Variants in SDK1 observed in about 807,000 individuals in gnomAD.
SDK1 encodes protein sidekick-1.
In SDK1, 157 loss-of-function variants were observed where a neutral mutation model predicts 245.5. The ratio of observed to expected loss-of-function variants is 0.64; its 90% CI spans 0.56 to 0.73. The LOEUF (loss-of-function observed/expected upper bound fraction) is 0.73. SDK1 is among the 30% of genes least tolerant of loss of function. The pLI, the probability that SDK1 is intolerant of heterozygous loss-of-function variation, is 0.00. For missense variants in SDK1, 3,583 were observed against 3,002.3 expected, an observed-to-expected ratio of 1.19 and a Z score of -4.52; for synonymous variants, 1,647 against 1,278.5, an observed-to-expected ratio of 1.29 and a Z score of -6.15.
At chr7:4,217,515 CCACCCGGAGCACCACA>C (rs1342711053) in intron 38 of SDK1, among the ~76,000 whole-genome samples, 2 of 138,890 alleles carry the variant, frequency 1.4e-5, no homozygotes, top group Admixed American at 7.1e-5. Context: ...GAGCACCACA[CCACCCGGAGCACCACA>C]CCACCCGGAG....
At chr7:3,614,422 A>G (rs1781703053) in intron 1 of SDK1, among the ~76,000 whole-genome samples, 1 of 152,218 alleles carries the variant, frequency 6.6e-6, no homozygotes, top group African/African-American at 2.4e-5. Flanking sequence ...ACACCCTTCA[A>G]AGATTAATAT....
intron 33 of SDK1, among the ~76,000 whole-genome samples, chr7:4,174,722 G>GC (rs1359828790): frequency 6.6e-6 from 1 of 152,102 alleles, no homozygotes; most frequent in Non-Finnish European, 1.5e-5. Context: ...CCAGGGACAG[G>GC]CCCCGCCTGT....
chr7:3,790,629 G>A (rs1003954496), intron 4 of SDK1, among the ~76,000 whole-genome samples: 4 of 152,166 alleles, frequency 2.6e-5, no homozygotes, highest in African/African-American at 9.7e-5. Flanking sequence ...CCAACATGGT[G>A]AAACCCCATC....
At chr7:3,462,544 T>TTAGCATTAG in intron 1 of SDK1, among the ~76,000 whole-genome samples, 1 of 152,222 alleles carries the variant, frequency 6.6e-6, no homozygotes, top group Non-Finnish European at 1.5e-5. Context: ...CACGTCTATC[T>TTAGCATTAG]ACCTGTTAAC....
intron 5 of SDK1, among the ~76,000 whole-genome samples, chr7:3,916,997 G>A (rs1482613795): frequency 6.6e-6 from 1 of 152,106 alleles, no homozygotes; most frequent in African/African-American, 2.4e-5. Flanking sequence ...ACTATTCTAG[G>A]CCCAAAAGCT....
intron 5 of SDK1, among the ~76,000 whole-genome samples, chr7:3,900,611 C>A (rs1342691331): frequency 6.6e-6 from 1 of 152,112 alleles, no homozygotes; most frequent in African/African-American, 2.4e-5. Flanking sequence ...TTTCTCCCAC[C>A]TTTATTTTGG....
intron 14 of SDK1, among the ~76,000 whole-genome samples, chr7:3,999,261 C>T (rs961784735): frequency 7.2e-5 from 11 of 152,172 alleles, no homozygotes; most frequent in Non-Finnish European, 1.3e-4. Flanking sequence ...AGAGCACAGT[C>T]AGTTCACGCA....
intron 4 of SDK1, among the ~76,000 whole-genome samples, chr7:3,820,426 A>G (rs181510710): frequency 1.4e-4 from 21 of 152,250 alleles, no homozygotes; most frequent in Admixed American, 9.8e-4. Flanking sequence ...GGGATCACAG[A>G]TGTGAGCCAC....
chr7:3,367,141 A>C (rs572804172), intron 1 of SDK1, among the ~76,000 whole-genome samples: 2 of 149,280 alleles, frequency 1.3e-5, no homozygotes, highest in Non-Finnish European at 3.0e-5. Context: ...TTTGCCTACA[A>C]TTTTATTTTA....
chr7:3,442,649 G>T (rs1435090135), intron 1 of SDK1, among the ~76,000 whole-genome samples: 1 of 152,162 alleles, frequency 6.6e-6, no homozygotes, highest in Admixed American at 6.5e-5. Context: ...TATTTTCTTT[G>T]AGAATATGGA....
chr7:3,766,621 A>G (rs575921122), intron 4 of SDK1, among the ~76,000 whole-genome samples: 14 of 152,334 alleles, frequency 9.2e-5, no homozygotes, highest in South Asian at 2.1e-4. Context: ...AAGCTTTAGT[A>G]AGGACATGCA....
At chr7:3,627,412 T>C (rs935049608) in intron 2 of SDK1, among the ~76,000 whole-genome samples, 4 of 152,042 alleles carry the variant, frequency 2.6e-5, no homozygotes, top group Admixed American at 1.3e-4. Context: ...GTATAGGAGG[T>C]ATTCATGCTT....
intron 14 of SDK1, 25 bp from the exon 15 acceptor site, chr7:4,010,941 G>C: frequency 6.2e-7 from 1 of 1,613,512 alleles, no homozygotes; most frequent in Non-Finnish European, 8.5e-7. Context: ...CTGTGGGCTT[G>C]AATTCGTTTT....
At chr7:4,054,184 G>T (rs559029792) in intron 19 of SDK1, among the ~76,000 whole-genome samples, 1 of 152,026 alleles carries the variant, frequency 6.6e-6, no homozygotes, top group East Asian at 1.9e-4. Context: ...CAGGTGATCC[G>T]CACACCTCAG....
rs566548862 is a variant in SDK1 at position 3,730,014 on chromosome 7, G to C, written c.713+87909G>C. On this transcript the variant is annotated intron_variant, in intron 4 of 44. Coordinates refer to ENST00000404826, the MANE Select transcript of SDK1 (RefSeq NM_152744.4). ...AGTACATATATATGTATATATGTGT[G>C]TGAGAGACCCATTATTTCATTATTC... Among the ~76,000 whole-genome samples the C allele has an allele frequency of 3.9e-5, 6 of 152,170 alleles. No homozygotes were observed. The South Asian group carries it at 1.2e-3, about 32-fold the overall frequency.
intron 20 of SDK1, among the ~76,000 whole-genome samples, chr7:4,075,398 A>T (rs1780604273): frequency 6.6e-6 from 1 of 152,068 alleles, no homozygotes; most frequent in Admixed American, 6.5e-5. Flanking sequence ...TGCAAGTGCA[A>T]CTCCTAGCTT....
chr7:3,895,510 T>C (rs1175612662), intron 5 of SDK1, among the ~76,000 whole-genome samples: 1 of 152,184 alleles, frequency 6.6e-6, no homozygotes, highest in East Asian at 1.9e-4. Flanking sequence ...TTCTGGAACA[T>C]GGATGTAAAG....
chr7:3,428,827 T>C (rs936572209), intron 1 of SDK1, among the ~76,000 whole-genome samples: 2 of 152,028 alleles, frequency 1.3e-5, no homozygotes, highest in Non-Finnish European at 2.9e-5. Flanking sequence ...CTGGAACAAA[T>C]AAAAAATCCC....
intron 35 of SDK1, among the ~76,000 whole-genome samples, chr7:4,180,376 CCTGGCT>C (rs1782529287): frequency 8.0e-5 from 12 of 149,316 alleles, no homozygotes; most frequent in East Asian, 4.0e-4. Context: ...ATGCCCAGCG[CCTGGCT>C]CCAGCTCTAT....
Sources: gnomAD v4.1 joint callset for allele counts (sites outside exome capture counted in the v4.1 genomes callset) on GRCh38, gnomAD v4.1.1 for gene constraint, MANE v1.5 for transcripts, NCBI Gene and HGNC (gene_info 2026-07-23, HGNC 2026-07-21) for gene names.